Variants in PLXDC2 observed in about 807,000 individuals in gnomAD.
PLXDC2 encodes plexin domain containing 2.
PLXDC2 carries 40 observed loss-of-function variants against 68.9 expected under a neutral mutation model. The observed-to-expected ratio is 0.58, with a 90% CI of 0.45 to 0.76. The LOEUF is 0.76. Among genes scored for constraint, PLXDC2 ranks in the 30% least tolerant of loss-of-function variants. PLXDC2 has a pLI of 0.00. For synonymous variants in PLXDC2, 243 were observed against 234.2 expected, an observed-to-expected ratio of 1.04 and a Z score of -0.34; for missense variants, 644 against 661.9, an observed-to-expected ratio of 0.97 and a Z score of 0.30.
chr10:19,930,342 G>T lies in PLXDC2; in HGVS notation c.113-71433G>T, dbSNP rs867519580. On this transcript the variant is annotated intron_variant, in intron 1 of 13. Transcript: ENST00000377252. ...CTTTTTTCCAGAAACAGCCGGGTTG[G>T]TTTTTTCCACTTGAGCTCTCTGCAA... 3.3e-5 allele frequency among the ~76,000 whole-genome samples: 5 copies of T among 152,144 alleles called. No individual in the cohort carries two copies. The Middle Eastern group carries it at 0.01, about 310-fold the overall frequency.
chr10:19,959,908 G>T (rs191786843), intron 1 of PLXDC2, among the ~76,000 whole-genome samples: 1 of 152,258 alleles, frequency 6.6e-6, no homozygotes, highest in East Asian at 1.9e-4. Context: ...TATTATTTCA[G>T]AGTTCTGTCA....
At chr10:20,246,313 G>A (rs1169609065) in intron 13 of PLXDC2, among the ~76,000 whole-genome samples, 2 of 152,202 alleles carry the variant, frequency 1.3e-5, no homozygotes, top group Non-Finnish European at 2.9e-5. Context: ...CTGTCCTCCA[G>A]AAGGTTGGGT....
intron 1 of PLXDC2, among the ~76,000 whole-genome samples, chr10:19,893,937 A>G (rs17757908): frequency 0.048 from 7,380 of 152,288 alleles, 203 homozygotes; most frequent in Middle Eastern, 0.13. Context: ...TTAGGGGGTC[A>G]ACCATGCTAA....
At chr10:19,965,718 T>TTTG (rs758553628) in intron 1 of PLXDC2, among the ~76,000 whole-genome samples, 1 of 135,388 alleles carries the variant, frequency 7.4e-6, no homozygotes. Flanking sequence ...CAGTTTTTTT[T>TTTG]GGGGGGGGGG....
chr10:19,874,993 G>A (rs886374967), intron 1 of PLXDC2, among the ~76,000 whole-genome samples: 9 of 152,264 alleles, frequency 5.9e-5, no homozygotes, highest in South Asian at 4.1e-4. Context: ...AGGAAACCTC[G>A]TCATGGGGCA....
In PLXDC2 at chr10:20,180,221, C is replaced by T. The variant is rs142319278; in HGVS notation, c.1061+2812C>T. 4.1e-3 allele frequency among the ~76,000 whole-genome samples: 625 copies of T among 151,920 alleles called. 1 individual carries two copies. Among genetic ancestry groups the T allele is most frequent in the African/African-American group, 0.014 (588 of 41,504 alleles). ...AATGAGAAAGAAATTCATCAAAGAA[C>T]GCTACTAAAAAAAACTACAAGTTTT... On this transcript the variant is annotated intron_variant, in intron 9 of 13. Coordinates refer to ENST00000377252, the MANE Select transcript of PLXDC2 (RefSeq NM_032812.9).
rs200585340 is a variant in PLXDC2 at position 20,257,446 on chromosome 10, G to GGCAAAA, written c.1473+11942_1473+11947dup. ...TTGTTGTTATTATTGGTAACCCAAC[G>GGCAAAA]GCAAAAATAAGACACAAACACAAAC... On this transcript the variant is annotated intron_variant, in intron 13 of 13. Coordinates refer to ENST00000377252, the MANE Select transcript of PLXDC2 (RefSeq NM_032812.9). Among the ~76,000 whole-genome samples the GGCAAAA allele has an allele frequency of 9.1e-3, 1,391 of 152,156 alleles. 16 individuals carry two copies. Among genetic ancestry groups the GGCAAAA allele is most frequent in the African/African-American group, 0.031 (1,295 of 41,490 alleles).
chr10:19,883,076 C>A (rs1330565066), intron 1 of PLXDC2, among the ~76,000 whole-genome samples: 1 of 151,728 alleles, frequency 6.6e-6, no homozygotes, highest in Non-Finnish European at 1.5e-5. Flanking sequence ...CCTGCCTCAG[C>A]CTCCCGAGTA....
chr10:19,912,705 C>A (rs1462914892), intron 1 of PLXDC2, among the ~76,000 whole-genome samples: 2 of 151,968 alleles, frequency 1.3e-5, no homozygotes, highest in African/African-American at 4.8e-5. Flanking sequence ...TGCCACAAAT[C>A]CTTTTAGAAG....
chr10:20,119,513 G>A (rs1341551894), intron 4 of PLXDC2, among the ~76,000 whole-genome samples: 1 of 148,226 alleles, frequency 6.7e-6, no homozygotes, highest in Non-Finnish European at 1.5e-5. Flanking sequence ...GTGGTGGAAT[G>A]TCATCAGTTA....
At chr10:20,221,288 T>C (rs573280481) in intron 12 of PLXDC2, among the ~76,000 whole-genome samples, 4 of 142,150 alleles carry the variant, frequency 2.8e-5, no homozygotes, top group South Asian at 4.2e-4. Context: ...ACTTCGAAGA[T>C]TTTCTTAAAG....
chr10:19,837,397 AGAGAGAGAGAGAGT>A (rs1836816098), intron 1 of PLXDC2, among the ~76,000 whole-genome samples: 2 of 66,172 alleles, frequency 3.0e-5, no homozygotes, highest in Non-Finnish European at 6.0e-5. Flanking sequence ...AGAGAGAGAG[AGAGAGAGAGAGAGT>A]GTGTGTGTGT....
At chr10:19,967,808 A>G (rs1313324872) in intron 1 of PLXDC2, among the ~76,000 whole-genome samples, 1 of 152,236 alleles carries the variant, frequency 6.6e-6, no homozygotes, top group Non-Finnish European at 1.5e-5. Flanking sequence ...ATTAGGCTAT[A>G]TTGACCGAAG....
At chr10:20,104,699 A>G (rs886239176) in intron 4 of PLXDC2, among the ~76,000 whole-genome samples, 1 of 152,052 alleles carries the variant, frequency 6.6e-6, no homozygotes, top group Non-Finnish European at 1.5e-5. Flanking sequence ...GGGGGGAGAA[A>G]ACACATTTTC....
At chr10:20,194,111 T>C (rs532019095) in intron 9 of PLXDC2, among the ~76,000 whole-genome samples, 1 of 151,834 alleles carries the variant, frequency 6.6e-6, no homozygotes, top group African/African-American at 2.4e-5. Context: ...TTCTTTATAT[T>C]AAAGGCACTA....
chr10:20,013,566 G>A (rs1835152969), intron 2 of PLXDC2, among the ~76,000 whole-genome samples: 1 of 152,138 alleles, frequency 6.6e-6, no homozygotes, highest in African/African-American at 2.4e-5. Context: ...GCTTTGCACA[G>A]TGTTTATTAT....
At chr10:20,086,182 C>T (rs1358937777) in intron 4 of PLXDC2, among the ~76,000 whole-genome samples, 2 of 151,886 alleles carry the variant, frequency 1.3e-5, no homozygotes. Context: ...GTTGACGAGA[C>T]AGGGTTTCAC....
At chr10:20,161,662 G>GA (rs1834294017) in intron 6 of PLXDC2, among the ~76,000 whole-genome samples, 1 of 151,770 alleles carries the variant, frequency 6.6e-6, no homozygotes, top group Non-Finnish European at 1.5e-5. Flanking sequence ...TGAAAGGAAG[G>GA]AAAGAGATTG....
rs1377749935 is a variant in PLXDC2, at chr10:20,001,715, G to T, written c.113-60G>T. On this transcript the variant is annotated intron_variant, in intron 1 of 13. Coordinates refer to ENST00000377252, the MANE Select transcript of PLXDC2 (RefSeq NM_032812.9). ...ATTCTTTTTTCTTCTCGAGCCGATA[G>T]CACTTGCATGTATGGTACACATAAT... 4.7e-6 allele frequency: 7 copies of T among 1,477,062 alleles called. No homozygotes were observed. The Admixed American group carries it at 1.1e-4, about 22-fold the overall frequency. 91.5% of individuals were successfully genotyped at this position (1,477,062 alleles called of 1,614,324 possible). A position where few individuals can be genotyped will look rare whatever the true frequency, so the allele number is the denominator to read the frequency against.
Sources: allele counts gnomAD v4.1 joint callset (sites outside exome capture counted in the v4.1 genomes callset), GRCh38; gene constraint gnomAD v4.1.1; transcripts MANE v1.5; gene names NCBI Gene and HGNC (gene_info 2026-07-23, HGNC 2026-07-21).